The following RERE variants were observed in gnomAD, a reference collection of about 807,000 sequenced individuals.
RERE encodes arginine-glutamic acid dipeptide repeats, also known as arginine-glutamic acid dipeptide repeats protein.
In RERE, 40 loss-of-function variants were observed where a neutral mutation model predicts 146.1. The observed-to-expected ratio is 0.27, with a 90% CI of 0.21 to 0.36. The LOEUF (loss-of-function observed/expected upper bound fraction) is 0.36. Among genes scored for constraint, RERE ranks in the 10% least tolerant of loss-of-function variants. RERE has a pLI of 1.00. For missense variants in RERE, 1,933 were observed against 2,138.7 expected, an observed-to-expected ratio of 0.90 and a Z score of 1.90; for synonymous variants, 1,003 against 866.0, an observed-to-expected ratio of 1.16 and a Z score of -2.78.
chr1:8,548,466 G>A (rs1645893753), intron 6 of RERE, among the ~76,000 whole-genome samples: 1 of 152,100 alleles, frequency 6.6e-6, no homozygotes, highest in South Asian at 2.1e-4. Flanking sequence ...AGGTAAGAAA[G>A]AACAGAACTG....
At chr1:8,688,815 G>A (rs547826023) in intron 1 of RERE, among the ~76,000 whole-genome samples, 11 of 152,154 alleles carry the variant, frequency 7.2e-5, no homozygotes, top group Non-Finnish European at 1.6e-4. Flanking sequence ...CCCAACTGTA[G>A]GCTAATGCAA....
At chr1:8,814,137 T>C (rs1188493682) in intron 1 of RERE, among the ~76,000 whole-genome samples, 3 of 152,192 alleles carry the variant, frequency 2.0e-5, no homozygotes, top group Admixed American at 2.0e-4. Flanking sequence ...TCACATTTCA[T>C]TGTAAAAGAT....
chr1:8,470,419 G>A lies in RERE; in HGVS notation c.1105-4396C>T, dbSNP rs372708362. On this transcript the variant is annotated intron_variant, in intron 10 of 22. Transcript: ENST00000400908. ...TGGGACTACAAGCGCCCACCACCAC[G>A]CCCGGCTAATTTTTTGTATTTTTAG... is the stretch of plus-strand genomic sequence containing the variant. Among the ~76,000 whole-genome samples the A allele has an allele frequency of 1.2e-4, 18 of 151,702 alleles. No homozygotes were observed. The East Asian group carries it at 2.0e-3, about 16-fold the overall frequency.
intron 11 of RERE, chr1:8,424,763 A>G (rs301807): frequency 0.62 from 94,034 of 152,200 alleles, 29,772 homozygotes; most frequent in East Asian, 0.83. Context: ...GTGGTGGGTG[A>G]AGCTAGGAAG....
chr1:8,531,182 C>G (rs1022626691), intron 7 of RERE, among the ~76,000 whole-genome samples: 2 of 152,028 alleles, frequency 1.3e-5, no homozygotes, highest in Non-Finnish European at 2.9e-5. Context: ...TGGATGGGCC[C>G]GGGGGCTCAC....
At chr1:8,402,284 C>T (rs1460416406) in intron 12 of RERE, among the ~76,000 whole-genome samples, 1 of 152,168 alleles carries the variant, frequency 6.6e-6, no homozygotes, top group Non-Finnish European at 1.5e-5. Flanking sequence ...AGGTTTCCAT[C>T]CCAGTCGAGC....
chr1:8,803,621 G>T (rs1008958467), intron 1 of RERE, among the ~76,000 whole-genome samples: 1 of 152,072 alleles, frequency 6.6e-6, no homozygotes, highest in African/African-American at 2.4e-5. Context: ...TCACTCTGTT[G>T]CCCAGACTGA....
At chr1:8,516,284 CA>C in intron 7 of RERE, among the ~76,000 whole-genome samples, 1 of 130,752 alleles carries the variant, frequency 7.6e-6, no homozygotes, top group South Asian at 2.4e-4. Flanking sequence ...CAAACACAAG[CA>C]AAATAATAAT....
intron 12 of RERE, among the ~76,000 whole-genome samples, chr1:8,404,343 A>G (rs1643375246): frequency 6.6e-6 from 1 of 151,948 alleles, no homozygotes; most frequent in South Asian, 2.1e-4. Flanking sequence ...GCATGAACCC[A>G]GGAGGCGGAG....
chr1:8,750,794 G>A (rs1640517242), intron 1 of RERE: 2 of 809,396 alleles, frequency 2.5e-6, no homozygotes, highest in Admixed American at 3.4e-5. Context: ...TGGAACCTTT[G>A]TGAAGCTCAA....
chr1:8,617,412 A>G (rs2124204244), intron 3 of RERE, among the ~76,000 whole-genome samples: 1 of 149,960 alleles, frequency 6.7e-6, no homozygotes, highest in Middle Eastern at 3.4e-3. Context: ...AGAAATCACA[A>G]ATTTGTATGT....
At chr1:8,812,813 C>T (rs1210767943) in intron 1 of RERE, among the ~76,000 whole-genome samples, 1 of 152,078 alleles carries the variant, frequency 6.6e-6, no homozygotes, top group Non-Finnish European at 1.5e-5. Context: ...CAATTCCAAC[C>T]CAAACTTGAA....
At chr1:8,384,715 A>G (rs1309064726) in intron 12 of RERE, among the ~76,000 whole-genome samples, 1 of 152,218 alleles carries the variant, frequency 6.6e-6, no homozygotes, top group African/African-American at 2.4e-5. Context: ...GACAATTAAC[A>G]GTTCTGTACA....
intron 11 of RERE, among the ~76,000 whole-genome samples, chr1:8,458,204 AAATGC>A (rs1343153956): frequency 6.6e-6 from 1 of 152,190 alleles, no homozygotes; most frequent in African/African-American, 2.4e-5. Context: ...ATGGGAGAAC[AAATGC>A]AATCTCTCAA....
Position 8,571,698 on chromosome 1 carries a change from G to A in RERE, c.523-14175C>T, listed in dbSNP as rs901199083. Among the ~76,000 whole-genome samples, 12 of 152,174 alleles carry A rather than the reference G, an allele frequency of 7.9e-5. 1 individual carries two copies. The South Asian group carries it at 1.4e-3, about 18-fold the overall frequency. On this transcript the variant is annotated intron_variant, in intron 4 of 22. Transcript: ENST00000400908. ...AATACTAGTTAGTCTATTTATAACC[G>A]TTCCATCTACAAACATTTTTCTAAT...
intron 2 of RERE, among the ~76,000 whole-genome samples, chr1:8,648,251 C>T (rs1306574065): frequency 2.0e-5 from 3 of 152,102 alleles, no homozygotes; most frequent in Admixed American, 1.3e-4. Context: ...CCTGTTTTTG[C>T]GATGGGGTCT....
chr1:8,442,605 T>C (rs1644264697), intron 11 of RERE, among the ~76,000 whole-genome samples: 1 of 152,160 alleles, frequency 6.6e-6, no homozygotes, highest in Admixed American at 6.5e-5. Flanking sequence ...CAATCTCTGG[T>C]GTTTCTTTAT....
At chr1:8,620,684 A>C (rs1646906090) in intron 3 of RERE, among the ~76,000 whole-genome samples, 1 of 152,012 alleles carries the variant, frequency 6.6e-6, no homozygotes, top group Non-Finnish European at 1.5e-5. Flanking sequence ...TTTACTATTT[A>C]GTTCAGAAAT....
intron 1 of RERE, among the ~76,000 whole-genome samples, chr1:8,781,987 T>C (rs1641173422): frequency 6.6e-6 from 1 of 152,200 alleles, no homozygotes; most frequent in African/African-American, 2.4e-5. Flanking sequence ...AGCGTGCTAC[T>C]TCTGTAAATG....
Sources: allele counts gnomAD v4.1 joint callset (sites outside exome capture counted in the v4.1 genomes callset), GRCh38; gene constraint gnomAD v4.1.1; transcripts MANE v1.5; gene names NCBI Gene and HGNC (gene_info 2026-07-23, HGNC 2026-07-21).